The following ALDH1A2 variants were observed in gnomAD, a reference collection of about 807,000 sequenced individuals.
ALDH1A2 encodes the protein retinal dehydrogenase 2.
Under a neutral mutation model 60.3 loss-of-function variants are expected in ALDH1A2, and 27 were observed. That is an observed-to-expected ratio of 0.45 (90% CI 0.33 to 0.62). The LOEUF (loss-of-function observed/expected upper bound fraction) is 0.62. ALDH1A2 is among the 20% of genes least tolerant of loss of function. ALDH1A2 has a pLI of 0.02. For synonymous variants in ALDH1A2, 289 were observed against 232.4 expected, an observed-to-expected ratio of 1.24 and a Z score of -2.21; for missense variants, 581 against 643.8, an observed-to-expected ratio of 0.90 and a Z score of 1.06.
At chr15:58,004,126 G>A (rs116977197) in intron 4 of ALDH1A2, among the ~76,000 whole-genome samples, 70 of 151,976 alleles carry the variant, frequency 4.6e-4, no homozygotes, top group Non-Finnish European at 9.7e-4. Flanking sequence ...GTGGTCATGA[G>A]ATAACCCTTT....
chr15:57,960,718 G>C, intron 12 of ALDH1A2, 52 bp downstream of exon 12: 1 of 1,466,074 alleles, frequency 6.8e-7, no homozygotes, highest in Non-Finnish European at 9.6e-7. Context: ...ACTGCTCTGT[G>C]CTGATATTTG....
chr15:58,013,161 T>C (rs192404378), intron 3 of ALDH1A2, among the ~76,000 whole-genome samples: 174 of 152,272 alleles, frequency 1.1e-3, no homozygotes, highest in Non-Finnish European at 1.8e-3. Flanking sequence ...GGAGCAGAAG[T>C]GTATGAGAGG....
rs1895632366 is a variant in ALDH1A2 at position 58,011,514 on chromosome 15, T to C, written c.364-736A>G. On this transcript the variant is annotated intron_variant, in intron 3 of 12. Coordinates refer to ENST00000249750, the MANE Select transcript of ALDH1A2 (RefSeq NM_003888.4). ...GCTGAAATGAGAAGAGTATTTTGAC[T>C]TGAGAAATATTAAAGGTGTTACAAG... Among the ~76,000 whole-genome samples the C allele has an allele frequency of 2.6e-5, 4 of 152,338 alleles. No homozygotes were observed. The South Asian group carries it at 8.3e-4, about 32-fold the overall frequency.
intron 7 of ALDH1A2, among the ~76,000 whole-genome samples, chr15:57,977,571 G>A (rs1894306517): frequency 6.6e-6 from 1 of 152,122 alleles, no homozygotes; most frequent in South Asian, 2.1e-4. Context: ...ATTGGTCTAT[G>A]TATATCTGTG....
intron 1 of ALDH1A2, among the ~76,000 whole-genome samples, chr15:58,053,438 C>A (rs1273386764): frequency 6.6e-6 from 1 of 152,158 alleles, no homozygotes; most frequent in Non-Finnish European, 1.5e-5. Flanking sequence ...CTCACAATTA[C>A]AGACACTCAC....
intron 6 of ALDH1A2, 51 bp from the exon 7 acceptor site, chr15:57,992,869 T>C (rs759703987): frequency 2.5e-6 from 4 of 1,613,598 alleles, no homozygotes; most frequent in South Asian, 1.1e-5. Context: ...TGATGCATCA[T>C]GTTAAATGAG....
chr15:58,020,641 C>T (rs917514928), intron 1 of ALDH1A2, among the ~76,000 whole-genome samples: 1 of 152,162 alleles, frequency 6.6e-6, no homozygotes. Flanking sequence ...TCCAGCTTGA[C>T]CCACCCTGCC....
intron 3 of ALDH1A2, among the ~76,000 whole-genome samples, chr15:58,012,527 C>T (rs564063295): frequency 2.6e-5 from 4 of 152,102 alleles, no homozygotes; most frequent in African/African-American, 9.7e-5. Context: ...TTTTCCTGAG[C>T]CTTTAATATG....
intron 1 of ALDH1A2, chr15:58,058,065 T>A (rs1896940050): frequency 5.2e-6 from 8 of 1,534,194 alleles, no homozygotes; most frequent in Non-Finnish European, 7.0e-6. Flanking sequence ...TGATTCTTCA[T>A]CTTCTCCCAA....
chr15:57,961,175 G>C lies in ALDH1A2; in HGVS notation c.1371C>G (p.Ala457=). ...CTTGCATTGCAGAAGACACTGTGAG[G>C]GCCTTGTTGATGTCATTAGTAAAGA... ...AAVFTNDINK[A]LTVSSAMQAG... Residue 457 remains alanine (A), a synonymous_variant, in exon 11 of 13, where the codon GCC becomes GCG. Transcript: ENST00000249750. 3 of 1,614,032 alleles carry C rather than the reference G, an allele frequency of 1.9e-6. No homozygotes were observed. In the South Asian group the frequency reaches 3.3e-5, roughly 18 times the overall value.
At chr15:58,054,800 G>A (rs1204035465) in intron 1 of ALDH1A2, among the ~76,000 whole-genome samples, 1 of 152,178 alleles carries the variant, frequency 6.6e-6, no homozygotes, top group Non-Finnish European at 1.5e-5. Context: ...TAAGGGCAGT[G>A]TGTGACTACA....
At chr15:57,976,946 A>T (rs1416661196) in intron 7 of ALDH1A2, among the ~76,000 whole-genome samples, 1 of 152,146 alleles carries the variant, frequency 6.6e-6, no homozygotes, top group Non-Finnish European at 1.5e-5. Flanking sequence ...CTTTTTAATG[A>T]TCGCCATTCT....
rs1049887183 is a variant in ALDH1A2 at position 58,002,873 on chromosome 15, T to C, written c.494-7734A>G. ...TTGAACTATTCCATTATGTATGTAC[T>C]GTAGCAGATTCCCATCATGTTGACG... On this transcript the variant is annotated intron_variant, in intron 4 of 12. Coordinates refer to ENST00000249750, the MANE Select transcript of ALDH1A2 (RefSeq NM_003888.4). Among the ~76,000 whole-genome samples the C allele has an allele frequency of 4.6e-5, 7 of 151,888 alleles. 1 individual carries two copies. The highest frequency in any genetic ancestry group is 2.0e-4 in the Admixed American group (3 of 15,208).
At chr15:57,960,641 C>A in intron 12 of ALDH1A2, 129 bp downstream of exon 12, 1 of 772,806 alleles carries the variant, frequency 1.3e-6, no homozygotes, top group Non-Finnish European at 2.2e-6. Context: ...CTTATAGTAG[C>A]ATGTGCTCCA....
In ALDH1A2 at chr15:57,955,214, G is replaced by C; in HGVS notation, c.1540C>G (p.Pro514Ala). ...SEVKTVTVKIPQKNS is the reference protein window; with the variant it reads ...SEVKTVTVKIAQKNS ...TGGCCTTCTTAGGAGTTCTTCTGGG[G>C]GATCTTTACTGTCACCGTCTTAACT... The change falls in exon 13 of 13, where the codon CCC becomes GCC. Residue 514 changes from proline (P) to alanine (A), a missense_variant. Pro to Ala is a conservative substitution (Grantham distance 27). Around this residue, in one of 2 missense-constraint regions of ALDH1A2, gnomAD observed 375 missense variants for 469.7 expected, o/e 0.80. Coordinates refer to ENST00000249750, the MANE Select transcript of ALDH1A2 (RefSeq NM_003888.4). The C allele has an allele frequency of 6.2e-7, 1 of 1,614,106 alleles. No homozygotes were observed. The highest frequency in any genetic ancestry group is 8.5e-7 in the Non-Finnish European group (1 of 1,180,014).
At chr15:57,979,397 G>A (rs1413220973) in intron 7 of ALDH1A2, among the ~76,000 whole-genome samples, 2 of 152,196 alleles carry the variant, frequency 1.3e-5, no homozygotes, top group South Asian at 2.1e-4. Context: ...GGAAACCTCC[G>A]GGTACTGGTT....
chr15:58,007,215 C>T (rs1331352560), intron 4 of ALDH1A2, among the ~76,000 whole-genome samples: 2 of 151,944 alleles, frequency 1.3e-5, no homozygotes, highest in Non-Finnish European at 2.9e-5. Context: ...TCACAGGAAC[C>T]TAATCTTTTA....
intron 1 of ALDH1A2, chr15:58,065,191 C>G (rs1897144815): frequency 3.1e-6 from 1 of 326,050 alleles, no homozygotes; most frequent in African/African-American, 2.3e-5. Context: ...CGGCCTCCAT[C>G]TGAGGATACT....
chr15:58,052,974 G>C (rs115683063), intron 1 of ALDH1A2, among the ~76,000 whole-genome samples: 2,071 of 152,244 alleles, frequency 0.014, 54 homozygotes, highest in African/African-American at 0.047. Flanking sequence ...AACTATTAAT[G>C]ACTCTGCAAA....
Sources: allele counts gnomAD v4.1 joint callset (sites outside exome capture counted in the v4.1 genomes callset), GRCh38; gene constraint gnomAD v4.1.1; regional missense constraint gnomAD v4.1.1; transcripts MANE v1.5; gene names NCBI Gene and HGNC (gene_info 2026-07-23, HGNC 2026-07-21).